EDA: variants seen among roughly 807,000 people sequenced by gnomAD.
The protein encoded by EDA is ectodysplasin-A.
A neutral mutation model predicts 23.6 loss-of-function variants in EDA; 2 were observed. The ratio of observed to expected loss-of-function variants is 0.08; its 90% CI spans 0.03 to 0.27. EDA has a LOEUF of 0.27. EDA is among the 10% of genes least tolerant of loss of function. The pLI, the probability that EDA is intolerant of heterozygous loss-of-function variation, is 1.00. For missense variants in EDA, 229 were observed against 324.2 expected (o/e 0.71, Z 2.26); for synonymous variants, 131 against 132.0 (o/e 0.99, Z 0.05).
At chrX:69,763,755 A>G (rs1169213711) in intron 1 of EDA, among the ~76,000 whole-genome samples, 1 of 111,765 alleles carries the variant, frequency 8.9e-6, no homozygotes, top group East Asian at 2.8e-4. Flanking sequence ...CCAGAGCAGC[A>G]TGGTTTGGAG....
intron 1 of EDA, among the ~76,000 whole-genome samples, chrX:69,887,262 G>A (rs749049589): frequency 2.7e-5 from 3 of 111,212 alleles, no homozygotes; most frequent in East Asian, 2.8e-4. Context: ...AGCCATGATC[G>A]CACCACTGCA....
intron 1 of EDA, among the ~76,000 whole-genome samples, chrX:69,643,420 T>C (rs987927882): frequency 9.0e-6 from 1 of 111,242 alleles, no homozygotes; most frequent in Non-Finnish European, 1.9e-5. Context: ...TTCTTCCTGA[T>C]GCTCTGACAA....
intron 1 of EDA, among the ~76,000 whole-genome samples, chrX:69,907,372 A>G (rs1222228602): frequency 2.7e-5 from 3 of 111,572 alleles, no homozygotes; most frequent in African/African-American, 9.8e-5. Context: ...AGAAGGTACA[A>G]TAACACACAT....
Position 70,038,692 on chromosome X carries a change from T to C in EDA, c.*3083T>C, listed in dbSNP as rs1372405519. 2.7e-5 allele frequency: 3 copies of C among 112,380 alleles called. No homozygotes were observed. The allele number at this position is 112,380 out of a possible 1,213,427, so 9.3% of individuals were successfully genotyped here. A position where few individuals can be genotyped will look rare whatever the true frequency, so the allele number is the denominator to read the frequency against. Reference sequence around the variant, plus strand: ...CTGAACAGGAAAGAGCTAGGAACCCTGGAGGTAAACAAAGACTTTGATCCA... The same window carrying C: ...CTGAACAGGAAAGAGCTAGGAACCCCGGAGGTAAACAAAGACTTTGATCCA... On this transcript the variant is annotated 3_prime_UTR_variant, in exon 8 of 8. Coordinates refer to ENST00000374552, the MANE Select transcript of EDA (RefSeq NM_001399.5).
intron 1 of EDA, among the ~76,000 whole-genome samples, chrX:69,908,254 C>G (rs1484682974): frequency 9.0e-6 from 1 of 111,037 alleles, no homozygotes; most frequent in Admixed American, 9.6e-5. Context: ...AAGGGCAAGA[C>G]ATCATAAAAT....
chrX:69,910,930 T>C (rs1299042133), intron 1 of EDA, among the ~76,000 whole-genome samples: 1 of 112,071 alleles, frequency 8.9e-6, no homozygotes, highest in Non-Finnish European at 1.9e-5. Flanking sequence ...TGGTCTCTGT[T>C]AGAATGAGTA....
At chrX:69,954,180 C>G (rs2018967104) in intron 1 of EDA, among the ~76,000 whole-genome samples, 1 of 111,620 alleles carries the variant, frequency 9.0e-6, no homozygotes, top group Non-Finnish European at 1.9e-5. Context: ...TTATTTCTCA[C>G]CATTCCCTCT....
chrX:69,654,592 A>G (rs1279618091), intron 1 of EDA, among the ~76,000 whole-genome samples: 1 of 112,108 alleles, frequency 8.9e-6, no homozygotes, highest in African/African-American at 3.2e-5. Flanking sequence ...TGTGGCACAT[A>G]TACACCATGG....
At chrX:69,873,516 A>T (rs906695899) in intron 1 of EDA, among the ~76,000 whole-genome samples, 2 of 112,572 alleles carry the variant, frequency 1.8e-5, no homozygotes, top group African/African-American at 3.2e-5. Flanking sequence ...ATTAATCAAG[A>T]AGAGAGAAGA....
At chrX:69,930,251 C>T (rs2018580643) in intron 1 of EDA, among the ~76,000 whole-genome samples, 2 of 111,772 alleles carry the variant, frequency 1.8e-5, no homozygotes, top group Non-Finnish European at 3.8e-5. Context: ...TGTCCACCCA[C>T]GTGAATAAGA....
intron 1 of EDA, among the ~76,000 whole-genome samples, chrX:69,642,489 A>G (rs1932851620): frequency 4.5e-5 from 5 of 111,118 alleles, no homozygotes; most frequent in South Asian, 3.9e-4. Flanking sequence ...TATATGTTTT[A>G]TTCTTATAAA....
chrX:69,855,984 G>A (rs754887189), intron 1 of EDA, among the ~76,000 whole-genome samples: 2 of 109,805 alleles, frequency 1.8e-5, no homozygotes, highest in South Asian at 7.9e-4. Context: ...AGATTTTGGT[G>A]CACCCATCAC....
chrX:69,956,949 C>G, intron 1 of EDA, 78 bp from the exon 2 acceptor site: 1 of 898,123 alleles, frequency 1.1e-6, no homozygotes, highest in Non-Finnish European at 1.6e-6. Flanking sequence ...GGTAGACTGT[C>G]TATGGAAAGC....
intron 1 of EDA, among the ~76,000 whole-genome samples, chrX:69,643,841 C>A (rs1309160932): frequency 9.0e-6 from 1 of 111,647 alleles, no homozygotes; most frequent in Non-Finnish European, 1.9e-5. Flanking sequence ...GCCAGTTCTC[C>A]CAGCACCATT....
intron 1 of EDA, among the ~76,000 whole-genome samples, chrX:69,633,272 C>G (rs1430661507): frequency 8.9e-6 from 1 of 111,999 alleles, no homozygotes; most frequent in Non-Finnish European, 1.9e-5. Flanking sequence ...TATGAATTTA[C>G]TGGGGATAGT....
intron 1 of EDA, among the ~76,000 whole-genome samples, chrX:69,881,294 C>A (rs925720746): frequency 3.7e-5 from 4 of 109,347 alleles, no homozygotes; most frequent in Admixed American, 9.8e-5. Context: ...CACCACCCCC[C>A]AAAAAAAACC....
intron 1 of EDA, among the ~76,000 whole-genome samples, chrX:69,950,998 G>A (rs1413906829): frequency 1.9e-5 from 2 of 102,939 alleles, no homozygotes; most frequent in East Asian, 3.2e-4. Context: ...GGTAGATGAC[G>A]AGTTAGTGGG....
chrX:69,660,515 C>T (rs1007963335), intron 1 of EDA, among the ~76,000 whole-genome samples: 2 of 107,182 alleles, frequency 1.9e-5, no homozygotes, highest in African/African-American at 6.8e-5. Context: ...CAACAGGCCC[C>T]GGTGTGTGAT....
intron 1 of EDA, among the ~76,000 whole-genome samples, chrX:69,817,970 G>A (rs1255513481): frequency 4.5e-5 from 5 of 111,494 alleles, no homozygotes; most frequent in Non-Finnish European, 9.4e-5. Flanking sequence ...TCACATAATC[G>A]GAAGTAAAAC....
Sources: allele counts gnomAD v4.1 joint callset (sites outside exome capture counted in the v4.1 genomes callset), GRCh38; gene constraint gnomAD v4.1.1; transcripts MANE v1.5; gene names NCBI Gene and HGNC (gene_info 2026-07-23, HGNC 2026-07-21).